The following LSAMP variants were observed in gnomAD, a reference collection of about 807,000 sequenced individuals.
LSAMP encodes the protein limbic system associated membrane protein, also known as limbic system-associated membrane protein.
A neutral mutation model predicts 38.6 loss-of-function variants in LSAMP; 7 were observed. The observed-to-expected ratio is 0.18, with a 90% CI of 0.10 to 0.34. LSAMP has a LOEUF of 0.34. Among genes scored for constraint, LSAMP ranks in the 10% least tolerant of loss-of-function variants. The pLI is 1.00. For missense variants in LSAMP, 313 were observed against 420.0 expected, an observed-to-expected ratio of 0.75 and a Z score of 2.23; for synonymous variants, 154 against 166.8, an observed-to-expected ratio of 0.92 and a Z score of 0.59.
At chr3:116,229,161 T>G (rs575005510) in intron 1 of LSAMP, among the ~76,000 whole-genome samples, 1 of 152,114 alleles carries the variant, frequency 6.6e-6, no homozygotes, top group African/African-American at 2.4e-5. Context: ...GGGAGAAGTA[T>G]AGTGTTATTC....
At chr3:116,152,314 T>C (rs1246135740) in intron 1 of LSAMP, among the ~76,000 whole-genome samples, 1 of 152,116 alleles carries the variant, frequency 6.6e-6, no homozygotes, top group South Asian at 2.1e-4. Context: ...TTTCTGATAA[T>C]CACCTAAAAT....
intron 1 of LSAMP, among the ~76,000 whole-genome samples, chr3:116,137,900 C>T (rs1709286110): frequency 6.6e-6 from 1 of 152,132 alleles, no homozygotes; most frequent in Non-Finnish European, 1.5e-5. Context: ...CCTCTCTGCC[C>T]ATTTCACTTA....
At chr3:115,834,652 A>G in intron 6 of LSAMP, 2 of 888,684 alleles carry the variant, frequency 2.3e-6, no homozygotes, top group South Asian at 4.4e-5. Flanking sequence ...ATATATATGT[A>G]TCTTTCTCAT....
intron 1 of LSAMP, among the ~76,000 whole-genome samples, chr3:116,148,116 CT>C (rs59321353): frequency 0.18 from 25,801 of 141,644 alleles, 2,430 homozygotes; most frequent in African/African-American, 0.27. Context: ...AAAACATGTG[CT>C]TTTTTTTTTT....
At chr3:116,049,013 A>T (rs1036193218) in intron 2 of LSAMP, among the ~76,000 whole-genome samples, 2 of 152,216 alleles carry the variant, frequency 1.3e-5, no homozygotes, top group African/African-American at 4.8e-5. Context: ...ATGGGAGCTG[A>T]TACTATAGAA....
At chr3:116,223,001 G>A (rs113976308) in intron 1 of LSAMP, among the ~76,000 whole-genome samples, 88 of 152,038 alleles carry the variant, frequency 5.8e-4, no homozygotes, top group Middle Eastern at 3.4e-3. Context: ...GCCTCCCAAA[G>A]TGCTGGGATT....
intron 3 of LSAMP, among the ~76,000 whole-genome samples, chr3:115,946,963 G>T (rs1345245253): frequency 2.0e-5 from 3 of 151,572 alleles, no homozygotes; most frequent in African/African-American, 7.3e-5. Context: ...AACCAAGTTA[G>T]ATTCTTTCCT....
intron 3 of LSAMP, among the ~76,000 whole-genome samples, chr3:115,873,010 A>G (rs1377001354): frequency 6.6e-6 from 1 of 152,168 alleles, no homozygotes; most frequent in East Asian, 1.9e-4. Context: ...CCATTCATAA[A>G]TGTGGTTGAG....
intron 3 of LSAMP, among the ~76,000 whole-genome samples, chr3:115,933,243 G>A (rs532276954): frequency 3.0e-4 from 45 of 152,220 alleles, no homozygotes; most frequent in African/African-American, 1.0e-3. Context: ...TTAGAAAAAC[G>A]TTACTCTACA....
intron 1 of LSAMP, among the ~76,000 whole-genome samples, chr3:116,413,273 T>C (rs2049004726): frequency 6.6e-6 from 1 of 152,100 alleles, no homozygotes; most frequent in South Asian, 2.1e-4. Flanking sequence ...TATTTCTGTA[T>C]TTCATTAAAA....
intron 1 of LSAMP, among the ~76,000 whole-genome samples, chr3:116,306,036 C>G (rs1233193847): frequency 2.6e-5 from 4 of 150,990 alleles, no homozygotes; most frequent in Admixed American, 2.6e-4. Context: ...AAGCTAATAT[C>G]TCCTATAGCA....
intron 3 of LSAMP, among the ~76,000 whole-genome samples, chr3:116,007,663 AACAC>A (rs71616337): frequency 1.3e-5 from 2 of 150,878 alleles, no homozygotes; most frequent in African/African-American, 4.9e-5. Context: ...TATTTTTATA[AACAC>A]ACACACACAC....
chr3:116,184,237 T>G (rs1193635008), intron 1 of LSAMP, among the ~76,000 whole-genome samples: 1 of 151,914 alleles, frequency 6.6e-6, no homozygotes, highest in Admixed American at 6.6e-5. Flanking sequence ...AATTTAACTT[T>G]ACCACAACCC....
chr3:116,348,982 T>A (rs1230537073), intron 1 of LSAMP, among the ~76,000 whole-genome samples: 1 of 152,158 alleles, frequency 6.6e-6, no homozygotes, highest in Non-Finnish European at 1.5e-5. Flanking sequence ...TTCAGACTGA[T>A]GGAATTTCAA....
At chr3:116,234,189 G>C (rs1210804025) in intron 1 of LSAMP, among the ~76,000 whole-genome samples, 1 of 152,136 alleles carries the variant, frequency 6.6e-6, no homozygotes, top group Admixed American at 6.6e-5. Flanking sequence ...TGTTGAATAG[G>C]GGCTTTTCTT....
intron 1 of LSAMP, among the ~76,000 whole-genome samples, chr3:116,331,957 C>T (rs931509542): frequency 3.3e-5 from 5 of 152,112 alleles, no homozygotes; most frequent in Non-Finnish European, 7.4e-5. Flanking sequence ...CTCACCTCAG[C>T]CTCCCAAGTA....
intron 1 of LSAMP, among the ~76,000 whole-genome samples, chr3:116,290,485 AC>A (rs2047249625): frequency 6.6e-6 from 1 of 152,000 alleles, no homozygotes; most frequent in African/African-American, 2.4e-5. Flanking sequence ...TAATCCCAGC[AC>A]TTTGGGAGGC....
intron 1 of LSAMP, among the ~76,000 whole-genome samples, chr3:116,103,437 C>T (rs913224452): frequency 2.8e-5 from 4 of 141,020 alleles, no homozygotes; most frequent in Admixed American, 7.2e-5. Flanking sequence ...TGCACTCCAG[C>T]CTGGGTGACA....
intron 3 of LSAMP, among the ~76,000 whole-genome samples, chr3:115,871,113 T>C (rs1936020728): frequency 6.6e-6 from 1 of 152,156 alleles, no homozygotes; most frequent in Non-Finnish European, 1.5e-5. Flanking sequence ...CCTCTGAGAA[T>C]AGTATTATTC....
Sources: allele counts gnomAD v4.1 joint callset (sites outside exome capture counted in the v4.1 genomes callset), GRCh38; gene constraint gnomAD v4.1.1; transcripts MANE v1.5; gene names NCBI Gene and HGNC (gene_info 2026-07-23, HGNC 2026-07-21).